The following PCCB variants were observed in gnomAD, a reference collection of about 807,000 sequenced individuals.
PCCB encodes the protein propionyl-CoA carboxylase beta chain, mitochondrial.
Under a neutral mutation model 60.7 loss-of-function variants are expected in PCCB, and 43 were observed. The observed-to-expected ratio is 0.71, with a 90% confidence interval of 0.55 to 0.91. PCCB has a LOEUF of 0.91. Ranked by LOEUF, PCCB falls within the 40% of genes least tolerant of loss-of-function variation. The pLI, the probability that PCCB is intolerant of heterozygous loss-of-function variation, is 0.00. For synonymous variants in PCCB, 276 were observed against 255.9 expected (o/e 1.08, Z -0.75); for missense variants, 766 against 702.8 (o/e 1.09, Z -1.02).
rs555056838 is a variant in PCCB at position 136,309,092 on chromosome 3, G to A, written c.967-7849G>A. ...AGCCTGGGCAACACGGTGAAACCCC[G>A]TCTCTACTAAAATACAAAAAATTAG... On this transcript the variant is annotated intron_variant, in intron 9 of 14. Coordinates refer to ENST00000251654, the MANE Select transcript of PCCB (RefSeq NM_000532.5). Among the ~76,000 whole-genome samples the A allele has an allele frequency of 2.7e-3, 404 of 151,818 alleles. 2 individuals carry two copies. Among genetic ancestry groups the A allele is most frequent in the African/African-American group, 9.3e-3 (386 of 41,426 alleles).
chr3:136,268,090 A>ATATATATATGTG (rs1306316170), intron 5 of PCCB, among the ~76,000 whole-genome samples: 2 of 59,938 alleles, frequency 3.3e-5, no homozygotes, highest in African/African-American at 1.7e-4. Flanking sequence ...GTGTGTAGAT[A>ATATATATATGTG]TATATATATA....
rs112185482 is a variant in PCCB, at chr3:136,293,551, T to C, written c.655-205T>C. Among the ~76,000 whole-genome samples, 1,898 of 152,336 alleles carry C rather than the reference T, an allele frequency of 0.012. 31 individuals carry two copies. Among genetic ancestry groups the C allele is most frequent in the East Asian group, 0.047 (243 of 5,190 alleles). On this transcript the variant is annotated intron_variant, in intron 6 of 14. Transcript: ENST00000251654. Reference sequence around the variant, plus strand: ...TGCAAGTTAACTTCTGAGGTAGAACTGTGCAACAGAAATTTTTTAAAAAAG... The same window carrying C: ...TGCAAGTTAACTTCTGAGGTAGAACCGTGCAACAGAAATTTTTTAAAAAAG...
intron 5 of PCCB, among the ~76,000 whole-genome samples, chr3:136,268,087 G>GATATAGATATATAGAT (rs1313121628): frequency 1.1e-5 from 1 of 93,800 alleles, no homozygotes; most frequent in African/African-American, 4.6e-5. Flanking sequence ...TGTGTGTGTA[G>GATATAGATATATAGAT]ATATATATAT....
At chr3:136,252,386 A>G (rs1030540977) in intron 1 of PCCB, 5 of 452,440 alleles carry the variant, frequency 1.1e-5, no homozygotes, top group Admixed American at 2.4e-5. Context: ...ACCTGGGGTT[A>G]CAGGTATGTG....
chr3:136,256,172 G>A, intron 2 of PCCB, 197 bp downstream of exon 2: 1 of 723,582 alleles, frequency 1.4e-6, no homozygotes, highest in African/African-American at 1.8e-5. Context: ...TGAACTCCTG[G>A]CTTCAAGCAA....
chr3:136,327,702 C>G lies in PCCB; in HGVS notation c.1368C>G (p.Pro456=). 1 of 1,614,008 alleles carries G rather than the reference C, an allele frequency of 6.2e-7. No individual in the cohort carries two copies. Among genetic ancestry groups the G allele is most frequent in the African/African-American group, 1.3e-5 (1 of 75,038 alleles). ...HLCGDTNYAW[P]TAEIAVMGAK... ...GTGGTGATACCAACTATGCCTGGCCCACCGCAGAGATTGCAGTCATGGGAG... is the reference window on the plus strand; with the variant it reads ...GTGGTGATACCAACTATGCCTGGCCGACCGCAGAGATTGCAGTCATGGGAG... Residue 456 remains proline (P), a synonymous_variant, in exon 13 of 15, where the codon CCC becomes CCG. Coordinates refer to ENST00000251654, the MANE Select transcript of PCCB (RefSeq NM_000532.5).
chr3:136,317,167 TTCC>T, intron 10 of PCCB, 103 bp downstream of exon 10: 1 of 1,072,790 alleles, frequency 9.3e-7, no homozygotes, highest in East Asian at 2.7e-5. Flanking sequence ...AGACATGGCC[TTCC>T]ATGACCAGAG....
In PCCB at chr3:136,290,434, T is replaced by C. The variant is rs1042193063; in HGVS notation, c.655-3322T>C. Among the ~76,000 whole-genome samples, 71 of 152,250 alleles carry C rather than the reference T, an allele frequency of 4.7e-4. 1 individual carries two copies. The highest frequency in any genetic ancestry group is 1.7e-3 in the African/African-American group (69 of 41,570). On this transcript the variant is annotated intron_variant, in intron 6 of 14. Transcript: ENST00000251654. ...CTCTATAGGCAAAATGTTTTTTTCT[T>C]GTGGCTGCCTTTAGGATATTTTCTT...
intron 3 of PCCB, among the ~76,000 whole-genome samples, chr3:136,258,893 C>A (rs1941748564): frequency 6.6e-6 from 1 of 151,884 alleles, no homozygotes; most frequent in African/African-American, 2.4e-5. Context: ...CCTTGATTAC[C>A]CCCACTGCAG....
At chr3:136,310,306 T>C (rs762116126) in intron 9 of PCCB, among the ~76,000 whole-genome samples, 1 of 150,882 alleles carries the variant, frequency 6.6e-6, no homozygotes, top group African/African-American at 2.4e-5. Flanking sequence ...GAGGTTGCGA[T>C]GAGCCAAGAT....
chr3:136,322,532 AT>A (rs1935144800), intron 10 of PCCB, among the ~76,000 whole-genome samples: 1 of 152,246 alleles, frequency 6.6e-6, no homozygotes. Context: ...GAGAACTGGT[AT>A]TAATATCTTC....
chr3:136,282,135 T>A (rs1942491692), intron 5 of PCCB, among the ~76,000 whole-genome samples: 1 of 152,150 alleles, frequency 6.6e-6, no homozygotes. Flanking sequence ...AATTTCCCAA[T>A]CTGGCACCAA....
intron 3 of PCCB, 83 bp downstream of exon 3, chr3:136,256,706 A>G: frequency 1.0e-6 from 1 of 963,464 alleles, no homozygotes; most frequent in Non-Finnish European, 1.7e-6. Flanking sequence ...AATCTTGGGG[A>G]ATGAAAACTT....
rs796052023 is a variant in PCCB at position 136,316,945 on chromosome 3, TTGA to T, written c.975_977del (p.Asp325del). On this transcript the variant is annotated inframe_deletion, in exon 10 of 15. Coordinates refer to ENST00000251654, the MANE Select transcript of PCCB (RefSeq NM_000532.5). ...GAAGTAAATTTATTCCTGCAGGTTG[TTGA>T]TGAGCGTGAATTTTTTGAGATCATG... is the stretch of plus-strand genomic sequence containing the variant. 3 of 1,614,008 alleles carry T rather than the reference TTGA, an allele frequency of 1.9e-6. No individual in the cohort carries two copies. Among genetic ancestry groups the T allele is most frequent in the African/African-American group, 2.7e-5 (2 of 74,894 alleles).
chr3:136,256,694 C>G, intron 3 of PCCB, 71 bp downstream of exon 3: 1 of 1,083,604 alleles, frequency 9.2e-7, no homozygotes, highest in Non-Finnish European at 1.4e-6. Flanking sequence ...GTGAAAGAAG[C>G]CAATCTTGGG....
intron 9 of PCCB, 106 bp downstream of exon 9, chr3:136,301,217 A>G: frequency 1.2e-6 from 1 of 859,990 alleles, no homozygotes; most frequent in Non-Finnish European, 2.0e-6. Context: ...TCCATGTCAG[A>G]CAGCACAGGT....
chr3:136,300,512 A>C (rs189267588), intron 8 of PCCB, among the ~76,000 whole-genome samples: 1 of 152,342 alleles, frequency 6.6e-6, no homozygotes, highest in Admixed American at 6.5e-5. Context: ...CCTGCATGTG[A>C]CAGGTTCTGT....
chr3:136,278,587 A>C (rs1942394383), intron 5 of PCCB, among the ~76,000 whole-genome samples: 1 of 152,152 alleles, frequency 6.6e-6, no homozygotes, highest in Non-Finnish European at 1.5e-5. Flanking sequence ...ATTAATTTTT[A>C]CGTGTTTGTG....
chr3:136,282,825 C>T (rs1942515279), intron 5 of PCCB, among the ~76,000 whole-genome samples: 1 of 152,182 alleles, frequency 6.6e-6, no homozygotes, highest in African/African-American at 2.4e-5. Context: ...GCAATGGTGG[C>T]AGCCTTGGTT....
Sources: gnomAD v4.1 joint callset for allele counts (sites outside exome capture counted in the v4.1 genomes callset) on GRCh38, gnomAD v4.1.1 for gene constraint, MANE v1.5 for transcripts, NCBI Gene and HGNC (gene_info 2026-07-23, HGNC 2026-07-21) for gene names.